The following DOCK4 variants were observed in gnomAD, a reference collection of about 807,000 sequenced individuals.
DOCK4 encodes dedicator of cytokinesis protein 4.
A neutral mutation model predicts 268.1 loss-of-function variants in DOCK4; 97 were observed. That is an observed-to-expected ratio of 0.36 (90% CI 0.31 to 0.43). DOCK4 has a LOEUF of 0.43. Ranked by LOEUF, DOCK4 falls within the 20% of genes least tolerant of loss-of-function variation. The probability of loss-of-function intolerance (pLI) is 1.00; values close to 1 mark genes in which losing one functional copy is unlikely to be tolerated. For synonymous variants in DOCK4, 954 were observed against 887.2 expected (o/e 1.08, Z -1.34); for missense variants, 2,145 against 2,455.7 (o/e 0.87, Z 2.67).
intron 1 of DOCK4, among the ~76,000 whole-genome samples, chr7:112,164,394 G>A (rs763810156): frequency 1.3e-5 from 2 of 152,150 alleles, no homozygotes; most frequent in African/African-American, 2.4e-5. Context: ...ATATATAACT[G>A]TCTTAAAGTC....
chr7:111,808,781 G>A, intron 30 of DOCK4, 40 bp downstream of exon 30: 1 of 1,586,694 alleles, frequency 6.3e-7, no homozygotes, highest in Non-Finnish European at 8.6e-7. Context: ...GTACAGCGAG[G>A]AGCTGTATAG....
chr7:112,068,993 C>A (rs537106856), intron 1 of DOCK4, among the ~76,000 whole-genome samples: 1 of 152,288 alleles, frequency 6.6e-6, no homozygotes, highest in South Asian at 2.1e-4. Flanking sequence ...CAACTTCTAT[C>A]TCTAATTCTT....
chr7:111,887,943 CCT>C (rs1586273614), intron 16 of DOCK4, among the ~76,000 whole-genome samples: 2 of 151,672 alleles, frequency 1.3e-5, no homozygotes, highest in Non-Finnish European at 2.9e-5. Context: ...TGCCCAATCC[CCT>C]GAGACAGGAA....
At chr7:111,753,014 G>GC in intron 42 of DOCK4, among the ~76,000 whole-genome samples, 1 of 137,190 alleles carries the variant, frequency 7.3e-6, no homozygotes, top group East Asian at 2.3e-4. Flanking sequence ...TTGGGGGGGG[G>GC]GTCTGTGATT....
At chr7:112,130,686 A>G (rs1813719672) in intron 1 of DOCK4, among the ~76,000 whole-genome samples, 1 of 152,212 alleles carries the variant, frequency 6.6e-6, no homozygotes, top group South Asian at 2.1e-4. Context: ...GCTGGTCTAC[A>G]CTCTCAAAAT....
intron 12 of DOCK4, among the ~76,000 whole-genome samples, chr7:111,928,688 A>G (rs1330276957): frequency 1.3e-5 from 2 of 150,996 alleles, no homozygotes; most frequent in African/African-American, 2.4e-5. Context: ...CCCAGATTCA[A>G]TTGATTCTCC....
intron 27 of DOCK4, among the ~76,000 whole-genome samples, chr7:111,819,100 A>G (rs971951400): frequency 3.9e-5 from 6 of 152,226 alleles, no homozygotes; most frequent in African/African-American, 7.2e-5. Flanking sequence ...TTGAAACCCA[A>G]GTTGGTTAGT....
At chr7:111,766,935 T>G in intron 38 of DOCK4, 97 bp downstream of exon 38, 1 of 905,186 alleles carries the variant, frequency 1.1e-6, no homozygotes, top group Non-Finnish European at 1.7e-6. Flanking sequence ...TAAAAAGGGT[T>G]TCTGCAAGAC....
At chr7:111,955,093 C>A (rs1796357023) in intron 8 of DOCK4, among the ~76,000 whole-genome samples, 1 of 152,148 alleles carries the variant, frequency 6.6e-6, no homozygotes, top group Non-Finnish European at 1.5e-5. Context: ...GCAATGTACG[C>A]CTGGTATCTT....
At chr7:112,163,480 T>C (rs1817321093) in intron 1 of DOCK4, among the ~76,000 whole-genome samples, 1 of 152,224 alleles carries the variant, frequency 6.6e-6, no homozygotes, top group East Asian at 1.9e-4. Context: ...CCTAGCTCTT[T>C]ATGACCTAAG....
At chr7:111,942,868 C>T (rs757835492) in intron 10 of DOCK4, among the ~76,000 whole-genome samples, 3 of 152,168 alleles carry the variant, frequency 2.0e-5, no homozygotes, top group Non-Finnish European at 4.4e-5. Context: ...GTGCTCTTAC[C>T]ATTGTTCCAC....
chr7:112,098,368 G>A (rs187959095), intron 1 of DOCK4, among the ~76,000 whole-genome samples: 1 of 151,802 alleles, frequency 6.6e-6, no homozygotes, highest in Non-Finnish European at 1.5e-5. Context: ...TAGTAGAGAT[G>A]GGGTTTCACC....
At chr7:112,132,617 T>C (rs1163091774) in intron 1 of DOCK4, among the ~76,000 whole-genome samples, 1 of 150,462 alleles carries the variant, frequency 6.6e-6, no homozygotes, top group Non-Finnish European at 1.5e-5. Flanking sequence ...AATGCTTTAA[T>C]AGAAAAAAGG....
At chr7:111,945,511 A>G (rs1795549909) in intron 9 of DOCK4, among the ~76,000 whole-genome samples, 1 of 152,218 alleles carries the variant, frequency 6.6e-6, no homozygotes, top group South Asian at 2.1e-4. Flanking sequence ...TGGTAATAGT[A>G]TAACAGAAGC....
chr7:111,864,467 G>A (rs1020086233), intron 22 of DOCK4, among the ~76,000 whole-genome samples: 1 of 152,198 alleles, frequency 6.6e-6, no homozygotes, highest in Non-Finnish European at 1.5e-5. Context: ...TAAAATTCAA[G>A]TGCTAGTTGG....
At position 111,901,705 on chromosome 7, in the gene DOCK4, A is replaced by G. The variant is rs1791164436; in HGVS notation, c.1289T>C (p.Ile430Thr). ...CAGGGTTTGGCCACTACTGTCTACA[A>G]TGAACATCGTAACTTCCACATTTCT... The part of the protein sequence containing the change: ...VARNVEVTMF[I>T]VDSSGQTLKD... The change falls in exon 14 of 53, where the codon ATT becomes ACT. Residue 430 changes from isoleucine to threonine, a missense_variant. This residue lies in a region of DOCK4 where 1,598 missense variants were observed against 1,986.7 expected (regional missense o/e 0.80). Transcript: ENST00000428084. 3.1e-6 allele frequency: 5 copies of G among 1,613,822 alleles called. No homozygotes were observed. Among genetic ancestry groups the G allele is most frequent in the East Asian group, 2.2e-5 (1 of 44,850 alleles).
Position 111,989,088 on chromosome 7 carries a change from C to A in DOCK4, c.391G>T (p.Val131Leu), listed in dbSNP as rs1799289216. The A allele has an allele frequency of 6.2e-7, 1 of 1,613,902 alleles. No individual in the cohort carries two copies. Among genetic ancestry groups the A allele is most frequent in the African/African-American group, 1.3e-5 (1 of 74,930 alleles). The part of the protein sequence containing the change: ...EILDLRRQVL[V>L]GHLTHDRMKD... ...ATCCGGTCGTGGGTGAGGTGGCCCACCAGCACCTGCCGCCTCAGGTCCAGG... is the reference window on the plus strand; with the variant it reads ...ATCCGGTCGTGGGTGAGGTGGCCCAACAGCACCTGCCGCCTCAGGTCCAGG... The change falls in exon 6 of 53, where the codon GTG (valine) becomes TTG (leucine). Residue 131 changes from valine to leucine, a missense_variant. Coordinates refer to ENST00000428084, the MANE Select transcript of DOCK4 (RefSeq NM_001363540.2).
At chr7:111,797,789 G>C (rs1800004461) in intron 30 of DOCK4, among the ~76,000 whole-genome samples, 1 of 152,160 alleles carries the variant, frequency 6.6e-6, no homozygotes, top group Admixed American at 6.5e-5. Context: ...GAATCCTGTA[G>C]CCTTTATGAA....
chr7:112,087,649 T>G (rs1434718418), intron 1 of DOCK4, among the ~76,000 whole-genome samples: 1 of 152,134 alleles, frequency 6.6e-6, no homozygotes, highest in Non-Finnish European at 1.5e-5. Context: ...TATCGTTATC[T>G]AAAATACTAT....
Sources: gnomAD v4.1 joint callset for allele counts (sites outside exome capture counted in the v4.1 genomes callset) on GRCh38, gnomAD v4.1.1 for gene constraint, gnomAD v4.1.1 regional missense constraint, MANE v1.5 for transcripts, NCBI Gene and HGNC (gene_info 2026-07-23, HGNC 2026-07-21) for gene names.